The following ZCCHC4 variants were observed in gnomAD, a reference collection of about 807,000 sequenced individuals.
The protein encoded by ZCCHC4 is zinc finger CCHC-type containing 4.
ZCCHC4 carries 54 observed loss-of-function variants against 67.7 expected under a neutral mutation model. The observed-to-expected ratio is 0.80, with a 90% CI of 0.64 to 1.00. ZCCHC4 has a LOEUF of 1.00. ZCCHC4 is among the 50% of genes least tolerant of loss of function. ZCCHC4 has a pLI of 0.00. For synonymous variants in ZCCHC4, 198 were observed against 213.5 expected (o/e 0.93, Z 0.63); for missense variants, 609 against 617.0 (o/e 0.99, Z 0.14).
chr4:25,363,754 A>G lies in ZCCHC4; in HGVS notation c.1210-700A>G, dbSNP rs560470736. ...AATTATGCCCAGACTGTATAGTTTA[A>G]AGTTGAGGAAAATGGACTTATTATT... On this transcript the variant is annotated intron_variant, in intron 10 of 12. Transcript: ENST00000302874. Among the ~76,000 whole-genome samples, 83 of 152,310 alleles carry G rather than the reference A, an allele frequency of 5.4e-4. 1 individual carries two copies. Among genetic ancestry groups the G allele is most frequent in the Non-Finnish European group, 1.0e-3 (70 of 68,028 alleles).
intron 8 of ZCCHC4, among the ~76,000 whole-genome samples, chr4:25,360,266 G>T (rs1292267864): frequency 2.0e-5 from 3 of 152,246 alleles, no homozygotes; most frequent in Non-Finnish European, 4.4e-5. Flanking sequence ...AGATGGTGCG[G>T]CTGAGACCGC....
chr4:25,332,025 A>G (rs1373436504), intron 3 of ZCCHC4, among the ~76,000 whole-genome samples: 1 of 152,200 alleles, frequency 6.6e-6, no homozygotes, highest in East Asian at 1.9e-4. Flanking sequence ...CTGTATGACT[A>G]GGCCACATGT....
intron 12 of ZCCHC4, chr4:25,366,233 A>G (rs78395868): frequency 1.1e-6 from 1 of 923,780 alleles, no homozygotes; most frequent in African/African-American, 1.8e-5. Context: ...CATTTACTCT[A>G]CTTTAAATAA....
intron 8 of ZCCHC4, among the ~76,000 whole-genome samples, chr4:25,355,926 A>G (rs1380644606): frequency 6.6e-6 from 1 of 152,228 alleles, no homozygotes; most frequent in Non-Finnish European, 1.5e-5. Context: ...GCTGAAATCC[A>G]ATAGAACACA....
chr4:25,324,654 G>A (rs556640454), intron 3 of ZCCHC4, among the ~76,000 whole-genome samples: 2 of 152,214 alleles, frequency 1.3e-5, no homozygotes, highest in East Asian at 1.9e-4. Context: ...TGGCTGCACC[G>A]TTTTACATTC....
chr4:25,335,717 G>A (rs1012773410), intron 5 of ZCCHC4, among the ~76,000 whole-genome samples: 4 of 152,174 alleles, frequency 2.6e-5, no homozygotes, highest in South Asian at 2.1e-4. Context: ...CCGAGATTGC[G>A]CCACTGCATT....
intron 3 of ZCCHC4, among the ~76,000 whole-genome samples, chr4:25,317,670 A>G (rs1233200638): frequency 7.3e-6 from 1 of 136,542 alleles, no homozygotes; most frequent in East Asian, 2.2e-4. Flanking sequence ...GTGCGACTAC[A>G]CTCCAGCCCA....
intron 3 of ZCCHC4, among the ~76,000 whole-genome samples, chr4:25,321,706 G>C (rs530828591): frequency 1.3e-5 from 2 of 151,820 alleles, no homozygotes; most frequent in African/African-American, 4.8e-5. Flanking sequence ...AGAGATGGGG[G>C]TTCTCAATAT....
chr4:25,331,196 G>A (rs1315543316), intron 3 of ZCCHC4, among the ~76,000 whole-genome samples: 1 of 152,186 alleles, frequency 6.6e-6, no homozygotes, highest in Non-Finnish European at 1.5e-5. Flanking sequence ...CTAGTTGTCC[G>A]ATATCTTCAA....
At chr4:25,313,349 G>A (rs1718055584) in intron 1 of ZCCHC4, among the ~76,000 whole-genome samples, 1 of 152,122 alleles carries the variant, frequency 6.6e-6, no homozygotes, top group African/African-American at 2.4e-5. Context: ...ACAGAAAGTG[G>A]GCGTTTCCAG....
chr4:25,313,506 G>T (rs978463633), intron 1 of ZCCHC4, among the ~76,000 whole-genome samples: 7 of 152,196 alleles, frequency 4.6e-5, no homozygotes, highest in African/African-American at 1.4e-4. Flanking sequence ...TTTTCTTTCT[G>T]AAGAGACCGG....
intron 7 of ZCCHC4, among the ~76,000 whole-genome samples, chr4:25,351,024 A>G (rs11729121): frequency 0.83 from 126,183 of 152,048 alleles, 52,705 homozygotes; most frequent in African/African-American, 0.92. Context: ...GCCTATTGGA[A>G]TTTTAGCTGT....
At chr4:25,332,561 G>A (rs572416987) in intron 3 of ZCCHC4, among the ~76,000 whole-genome samples, 2 of 152,212 alleles carry the variant, frequency 1.3e-5, no homozygotes, top group East Asian at 3.9e-4. Context: ...AAAAGAAATG[G>A]TGACTTTGAA....
At chr4:25,335,819 A>T (rs550210801) in intron 5 of ZCCHC4, among the ~76,000 whole-genome samples, 1 of 152,012 alleles carries the variant, frequency 6.6e-6, no homozygotes, top group African/African-American at 2.4e-5. Flanking sequence ...TTCTGAGTCA[A>T]CTCTAAGTTG....
chr4:25,353,394 A>G (rs1391080013), intron 8 of ZCCHC4, among the ~76,000 whole-genome samples: 6 of 152,246 alleles, frequency 3.9e-5, no homozygotes, highest in East Asian at 1.9e-4. Flanking sequence ...AGCAAAATTT[A>G]TATCATAAGT....
intron 12 of ZCCHC4, among the ~76,000 whole-genome samples, chr4:25,368,800 T>C (rs989374471): frequency 1.3e-5 from 2 of 152,216 alleles, no homozygotes; most frequent in Non-Finnish European, 2.9e-5. Context: ...TCTAAATCCA[T>C]AGTAACCATC....
chr4:25,367,217 T>A (rs1720988606), intron 12 of ZCCHC4, among the ~76,000 whole-genome samples: 1 of 152,278 alleles, frequency 6.6e-6, no homozygotes, highest in Middle Eastern at 3.4e-3. Context: ...CTCCCTCTTG[T>A]GGTTAAAGCT....
chr4:25,357,284 A>G (rs2109088235), intron 8 of ZCCHC4, among the ~76,000 whole-genome samples: 1 of 152,344 alleles, frequency 6.6e-6, no homozygotes, highest in East Asian at 1.9e-4. Context: ...ATTATTTTTC[A>G]AAGAAATGAA....
chr4:25,352,306 T>A, intron 8 of ZCCHC4: 1 of 985,492 alleles, frequency 1.0e-6, no homozygotes, highest in African/African-American at 1.7e-5. Flanking sequence ...CCTGGTCTTT[T>A]AAGTTCATTC....
Sources: allele counts gnomAD v4.1 joint callset (sites outside exome capture counted in the v4.1 genomes callset), GRCh38; gene constraint gnomAD v4.1.1; transcripts MANE v1.5; gene names NCBI Gene and HGNC (gene_info 2026-07-23, HGNC 2026-07-21).